Variants in ANGPT1 observed in about 807,000 individuals in gnomAD.
The protein encoded by ANGPT1 is angiopoietin-1.
A neutral mutation model predicts 62.2 loss-of-function variants in ANGPT1; 17 were observed. The ratio of observed to expected loss-of-function variants is 0.27; its 90% CI spans 0.19 to 0.41. The LOEUF is 0.41. Ranked by LOEUF, ANGPT1 falls within the 10% of genes least tolerant of loss-of-function variation. The pLI, the probability that ANGPT1 is intolerant of heterozygous loss-of-function variation, is 1.00. For synonymous variants in ANGPT1, 199 were observed against 198.9 expected (o/e 1.00, Z 0.00); for missense variants, 478 against 594.9 (o/e 0.80, Z 2.04).
intron 1 of ANGPT1, among the ~76,000 whole-genome samples, chr8:107,408,493 T>C (rs544134048): frequency 3.1e-5 from 4 of 130,758 alleles, no homozygotes; most frequent in South Asian, 2.8e-4. Flanking sequence ...GTGCTGAAAG[T>C]AGAAAAACAA....
chr8:107,451,837 G>T (rs547588049), intron 1 of ANGPT1, among the ~76,000 whole-genome samples: 2 of 151,868 alleles, frequency 1.3e-5, no homozygotes, highest in East Asian at 3.9e-4. Flanking sequence ...TGTTCATTGT[G>T]CTTACCTTTT....
intron 4 of ANGPT1, among the ~76,000 whole-genome samples, chr8:107,305,397 T>A (rs1050909332): frequency 6.6e-6 from 1 of 151,926 alleles, no homozygotes; most frequent in Admixed American, 6.6e-5. Flanking sequence ...GAGAACACAT[T>A]CCCTTCACTC....
intron 4 of ANGPT1, 23 bp downstream of exon 4, chr8:107,321,873 C>G: frequency 6.3e-7 from 1 of 1,594,930 alleles, no homozygotes; most frequent in Non-Finnish European, 8.6e-7. Flanking sequence ...TTAACAATAC[C>G]AAAGTGAGGA....
intron 1 of ANGPT1, among the ~76,000 whole-genome samples, chr8:107,388,712 A>C (rs1816779971): frequency 6.6e-6 from 1 of 152,138 alleles, no homozygotes; most frequent in African/African-American, 2.4e-5. Flanking sequence ...TGAGACAGTA[A>C]CATTCTGTAT....
At chr8:107,308,683 C>T (rs150843425) in intron 4 of ANGPT1, among the ~76,000 whole-genome samples, 19 of 152,214 alleles carry the variant, frequency 1.2e-4, no homozygotes, top group African/African-American at 2.2e-4. Flanking sequence ...TTTGCCCACA[C>T]CAATATCAGC....
chr8:107,275,826 C>A lies in ANGPT1; in HGVS notation c.1205+8856G>T, dbSNP rs148988611. Among the ~76,000 whole-genome samples the A allele has an allele frequency of 4.7e-3, 719 of 152,292 alleles. 3 individuals are homozygous for A. Among genetic ancestry groups the A allele is most frequent in the Non-Finnish European group, 6.2e-3 (421 of 68,018 alleles). On this transcript the variant is annotated intron_variant, in intron 7 of 8. Transcript: ENST00000517746. ...ATTTATTGGAGGCAGTGCTTGCTAG[C>A]TGGTTCTGGCAACTTTTGCCAACCT... is the stretch of plus-strand genomic sequence containing the variant.
intron 7 of ANGPT1, among the ~76,000 whole-genome samples, chr8:107,274,050 C>T (rs1813802569): frequency 6.6e-6 from 1 of 152,026 alleles, no homozygotes; most frequent in Non-Finnish European, 1.5e-5. Flanking sequence ...TTGTTTCCTT[C>T]TCCTAAACTA....
rs117652053 is a variant in ANGPT1 at position 107,485,205 on chromosome 8, G to A, written c.297+12057C>T. On this transcript the variant is annotated intron_variant, in intron 1 of 8. Transcript: ENST00000517746. ...TATCTACTGGGCACCTGCAATGCCC[G>A]CACACCACACATTGCTTGTGCTCAG... 5.6e-4 allele frequency among the ~76,000 whole-genome samples: 86 copies of A among 152,266 alleles called. No homozygotes were observed. The East Asian group carries it at 0.012, about 22-fold the overall frequency.
Position 107,447,189 on chromosome 8 carries a change from C to T in ANGPT1, c.297+50073G>A, listed in dbSNP as rs193029871. Among the ~76,000 whole-genome samples, 62 of 152,244 alleles carry T rather than the reference C, an allele frequency of 4.1e-4. 1 individual carries two copies. In the East Asian group the frequency reaches 0.012, roughly 28 times the overall value. ...TCTACCTTGTCTCCTTGCTCATGCC[C>T]TTTTCCCCTAGATTATATTTTCAGT... On this transcript the variant is annotated intron_variant, in intron 1 of 8. Transcript: ENST00000517746.
At chr8:107,386,010 G>A (rs556436700) in intron 1 of ANGPT1, among the ~76,000 whole-genome samples, 28 of 151,692 alleles carry the variant, frequency 1.8e-4, no homozygotes, top group Non-Finnish European at 3.5e-4. Flanking sequence ...CTTTAACGGT[G>A]GACTGAATAA....
At chr8:107,409,668 C>T (rs976569516) in intron 1 of ANGPT1, among the ~76,000 whole-genome samples, 1 of 152,066 alleles carries the variant, frequency 6.6e-6, no homozygotes, top group Non-Finnish European at 1.5e-5. Context: ...AATATTTTTT[C>T]CTGAACATAT....
chr8:107,404,973 C>T (rs1209716553), intron 1 of ANGPT1, among the ~76,000 whole-genome samples: 1 of 151,972 alleles, frequency 6.6e-6, no homozygotes, highest in Non-Finnish European at 1.5e-5. Context: ...ATGCTAATAG[C>T]AGTACCTTGC....
intron 1 of ANGPT1, among the ~76,000 whole-genome samples, chr8:107,385,374 T>C (rs754029682): frequency 6.6e-6 from 1 of 152,130 alleles, no homozygotes; most frequent in Non-Finnish European, 1.5e-5. Context: ...TTCTAGGTAT[T>C]TAATTCATTT....
At chr8:107,371,330 TGTCA>T (rs974628779) in intron 1 of ANGPT1, among the ~76,000 whole-genome samples, 2 of 152,194 alleles carry the variant, frequency 1.3e-5, no homozygotes, top group Non-Finnish European at 2.9e-5. Context: ...TAAAATAATT[TGTCA>T]GTCAATCTGT....
At chr8:107,428,179 A>T (rs1811086367) in intron 1 of ANGPT1, among the ~76,000 whole-genome samples, 1 of 152,214 alleles carries the variant, frequency 6.6e-6, no homozygotes, top group Non-Finnish European at 1.5e-5. Flanking sequence ...CAAGCTACAA[A>T]TAATGAAATG....
intron 1 of ANGPT1, among the ~76,000 whole-genome samples, chr8:107,476,351 C>G (rs902353581): frequency 6.6e-6 from 1 of 152,018 alleles, no homozygotes; most frequent in Non-Finnish European, 1.5e-5. Context: ...AACCAAACAC[C>G]GCATATTCTC....
intron 1 of ANGPT1, among the ~76,000 whole-genome samples, chr8:107,434,725 A>G (rs1346152178): frequency 6.6e-6 from 1 of 152,248 alleles, no homozygotes; most frequent in Non-Finnish European, 1.5e-5. Flanking sequence ...AGACTGTCTC[A>G]TGGCTTCTAT....
chr8:107,479,090 T>C (rs1812610079), intron 1 of ANGPT1, among the ~76,000 whole-genome samples: 1 of 151,972 alleles, frequency 6.6e-6, no homozygotes, highest in Non-Finnish European at 1.5e-5. Flanking sequence ...TTGTGGGAGC[T>C]TGTATGTGAT....
intron 1 of ANGPT1, among the ~76,000 whole-genome samples, chr8:107,415,993 A>T (rs1187032643): frequency 3.9e-5 from 6 of 152,142 alleles, no homozygotes; most frequent in Non-Finnish European, 8.8e-5. Context: ...ATCATGGGAT[A>T]ATCTGAAGGG....
Sources: gnomAD v4.1 joint callset for allele counts (sites outside exome capture counted in the v4.1 genomes callset) on GRCh38, gnomAD v4.1.1 for gene constraint, MANE v1.5 for transcripts, NCBI Gene and HGNC (gene_info 2026-07-23, HGNC 2026-07-21) for gene names.